The following NRAP variants were observed in gnomAD, a reference collection of about 807,000 sequenced individuals.
The protein encoded by NRAP is nebulin related anchoring protein, also known as nebulin-related-anchoring protein.
Under a neutral mutation model 225.9 loss-of-function variants are expected in NRAP, and 189 were observed. That is an observed-to-expected ratio of 0.84 (90% confidence interval 0.74 to 0.94). The LOEUF is 0.94. NRAP is among the 40% of genes least tolerant of loss of function. NRAP has a pLI of 0.00. For missense variants in NRAP, 2,176 were observed against 2,168.7 expected (o/e 1.00, Z -0.07); for synonymous variants, 769 against 790.7 (o/e 0.97, Z 0.46).
Position 113,612,367 on chromosome 10 carries a change from G to A in NRAP, c.3365C>T (p.Ala1122Val), listed in dbSNP as rs1330931431. The A allele has an allele frequency of 4.3e-6, 7 of 1,614,200 alleles. No individual in the cohort carries two copies. The highest frequency in any genetic ancestry group is 3.3e-4 in the Middle Eastern group (2 of 6,062). ...CTGAGCCTTCTTGGCATGCACCAGG[G>A]CGGCCATGTCCAACGGCAGATGGAA... Reference protein sequence around the residue: ...AQFHLPLDMAALVHAKKAQTL... With the variant: ...AQFHLPLDMAVLVHAKKAQTL... Residue 1122 changes from alanine (A) to valine (V), a missense_variant, in exon 30 of 42, where the codon GCC becomes GTC. Physicochemically the swap from Ala to Val is moderately conservative, Grantham distance 64. Coordinates refer to ENST00000359988, the MANE Select transcript of NRAP (RefSeq NM_198060.4).
intron 29 of NRAP, among the ~76,000 whole-genome samples, chr10:113,613,549 A>G (rs1366325876): frequency 6.6e-6 from 1 of 152,214 alleles, no homozygotes; most frequent in Non-Finnish European, 1.5e-5. Flanking sequence ...CACCAATGTT[A>G]GCCAACTCAC....
At chr10:113,645,964 G>A in intron 10 of NRAP, 23 bp from the exon 11 acceptor site, 2 of 1,261,046 alleles carry the variant, frequency 1.6e-6, no homozygotes, top group Non-Finnish European at 1.1e-6. Context: ...ACACAAAACG[G>A]GGCTGGAGTT....
intron 6 of NRAP, among the ~76,000 whole-genome samples, 181 bp downstream of exon 6, chr10:113,652,754 C>T (rs956075413): frequency 2.0e-5 from 3 of 152,134 alleles, no homozygotes; most frequent in Admixed American, 6.5e-5. Flanking sequence ...TAGACATGGT[C>T]CAATCACAGC....
Position 113,604,730 on chromosome 10 carries a change from G to A in NRAP, c.4106C>T (p.Ala1369Val), listed in dbSNP as rs1048890036. The A allele has an allele frequency of 1.2e-6, 2 of 1,614,068 alleles. No homozygotes were observed. Among genetic ancestry groups the A allele is most frequent in the African/African-American group, 2.7e-5 (2 of 74,946 alleles). ...GCTGGCCAGAGCCTGGGCATTCTTG[G>A]CATGGACCAGGTGCACCATGTCCAT... ...LPMDMVHLVH[A>V]KNAQALASDH... The change falls in exon 35 of 42, where the codon GCC becomes GTC. Residue 1369 changes from alanine to valine, a missense_variant. Coordinates refer to ENST00000359988, the MANE Select transcript of NRAP (RefSeq NM_198060.4).
intron 14 of NRAP, among the ~76,000 whole-genome samples, chr10:113,639,850 T>A (rs893881929): frequency 1.3e-5 from 2 of 152,242 alleles, no homozygotes; most frequent in Non-Finnish European, 2.9e-5. Context: ...TTATTTTACT[T>A]CCTTCAACTC....
chr10:113,663,909 G>T lies in NRAP; in HGVS notation c.-27C>A, dbSNP rs1850857960. The T allele has an allele frequency of 6.3e-7, 1 of 1,578,378 alleles. No individual in the cohort carries two copies. On this transcript the variant is annotated 5_prime_UTR_variant, in exon 1 of 42. Coordinates refer to ENST00000359988, the MANE Select transcript of NRAP (RefSeq NM_198060.4). The stretch of plus-strand genomic sequence containing the variant: ...TCGAAGCCGGAAGAGAGAGGACAAA[G>T]ATAGGCAACAGGCAAGAAATGCAAG...
intron 33 of NRAP, 119 bp from the exon 34 acceptor site, chr10:113,605,988 C>G (rs1442832469): frequency 2.4e-6 from 2 of 834,120 alleles, no homozygotes; most frequent in Non-Finnish European, 4.1e-6. Flanking sequence ...TGCAGCAAAT[C>G]TCATTAGTAC....
intron 12 of NRAP, among the ~76,000 whole-genome samples, chr10:113,641,703 G>T (rs1849215187): frequency 1.3e-5 from 2 of 152,310 alleles, no homozygotes; most frequent in South Asian, 4.1e-4. Flanking sequence ...CATGGGATCA[G>T]ATGAGCATAG....
chr10:113,628,339 C>T (rs1460037967), intron 20 of NRAP, among the ~76,000 whole-genome samples: 2 of 152,134 alleles, frequency 1.3e-5, no homozygotes, highest in African/African-American at 4.8e-5. Flanking sequence ...AGGCACGTGC[C>T]ACCACACCTG....
intron 9 of NRAP, among the ~76,000 whole-genome samples, chr10:113,648,463 C>CTATATA (rs1224072216): frequency 6.3e-4 from 75 of 119,762 alleles, no homozygotes; most frequent in African/African-American, 1.2e-3. Context: ...CTCTCTCTCT[C>CTATATA]TCTCTATATA....
At position 113,602,744 on chromosome 10, in the gene NRAP, G is replaced by A. The variant is rs183240506; in HGVS notation, c.4227+1865C>T. Among the ~76,000 whole-genome samples, 328 of 152,298 alleles carry A rather than the reference G, an allele frequency of 2.2e-3. 1 individual carries two copies. Among genetic ancestry groups the A allele is most frequent in the African/African-American group, 7.1e-3 (294 of 41,562 alleles). ...GGCAACCAGAATTGAGGGGCTTGGC[G>A]CAAGGAACGTACTCAAACAGCTACT... On this transcript the variant is annotated intron_variant, in intron 35 of 41. Transcript: ENST00000359988.
intron 14 of NRAP, among the ~76,000 whole-genome samples, chr10:113,636,685 A>G (rs1038927829): frequency 2.6e-5 from 4 of 152,200 alleles, no homozygotes; most frequent in Non-Finnish European, 4.4e-5. Flanking sequence ...CAATTTTTAA[A>G]TGCTAACAAA....
In NRAP at chr10:113,614,284, CTTTGTA is replaced by C; in HGVS notation, c.3193_3198del (p.Tyr1065_Lys1066del). 6.2e-7 allele frequency: 1 copy of C among 1,610,612 alleles called. No homozygotes were observed. The highest frequency in any genetic ancestry group is 8.5e-7 in the Non-Finnish European group (1 of 1,176,776). ...TGTCCTTTCATTTTCTCAAATGCCTCTTTGTATTTGTACTAAAGGGAAAGAGAGCGG... is the reference window on the plus strand; with the variant it reads ...TGTCCTTTCATTTTCTCAAATGCCTCTTTGTACTAAAGGGAAAGAGAGCGG... On this transcript the variant is annotated inframe_deletion, in exon 29 of 42. Transcript: ENST00000359988.
intron 3 of NRAP, 147 bp downstream of exon 3, chr10:113,662,532 C>T (rs1850743398): frequency 3.2e-6 from 2 of 626,270 alleles, no homozygotes; most frequent in South Asian, 3.8e-5. Flanking sequence ...AAACCATCTG[C>T]CCGCTTTGGC....
intron 3 of NRAP, among the ~76,000 whole-genome samples, chr10:113,659,766 G>A (rs2134211649): frequency 6.6e-6 from 1 of 152,218 alleles, no homozygotes; most frequent in South Asian, 2.1e-4. Flanking sequence ...GTGACATTTA[G>A]GAGACAAAAA....
At chr10:113,649,917 C>T (rs1013278265) in intron 9 of NRAP, 120 bp downstream of exon 9, 30 of 641,170 alleles carry the variant, frequency 4.7e-5, no homozygotes, top group Non-Finnish European at 7.0e-5. Flanking sequence ...ATCTACCTTT[C>T]ATAAAAAAGG....
chr10:113,608,479 A>G lies in NRAP; in HGVS notation c.3637T>C (p.Tyr1213His). The G allele has an allele frequency of 1.2e-6, 2 of 1,613,478 alleles. No individual in the cohort carries two copies. Among genetic ancestry groups the G allele is most frequent in the Non-Finnish European group, 1.7e-6 (2 of 1,179,530 alleles). The change falls in exon 32 of 42, where the codon TAC (tyrosine) becomes CAC (histidine). Residue 1213 changes from tyrosine (Y) to histidine (H), a missense_variant. This residue lies in a region of NRAP where 1,708 missense variants were observed against 1,695.5 expected (regional missense o/e 1.01). Transcript: ENST00000359988. ...KYRQHPHSFKYTAVTDTPNLL... is the reference protein window; with the variant it reads ...KYRQHPHSFKHTAVTDTPNLL... ...TTGGGAGTGTCTGTCACAGCTGTGT[A>G]CTTGAATGAGTGGGGATGCTGCCGA...
At chr10:113,641,545 A>G in intron 12 of NRAP, 73 bp from the exon 13 acceptor site, 1 of 845,356 alleles carries the variant, frequency 1.2e-6, no homozygotes, top group Non-Finnish European at 2.0e-6. Context: ...ACTCATCTTA[A>G]TGCATTAAAT....
At chr10:113,634,358 C>T in intron 14 of NRAP, 148 bp from the exon 15 acceptor site, 1 of 621,580 alleles carries the variant, frequency 1.6e-6, no homozygotes. Flanking sequence ...GACAGACACT[C>T]CAAGCCCATA....
Sources: gnomAD v4.1 joint callset for allele counts (sites outside exome capture counted in the v4.1 genomes callset) on GRCh38, gnomAD v4.1.1 for gene constraint, gnomAD v4.1.1 regional missense constraint, MANE v1.5 for transcripts, NCBI Gene and HGNC (gene_info 2026-07-23, HGNC 2026-07-21) for gene names.